The following DTD1 variants were observed in gnomAD, a reference collection of about 807,000 sequenced individuals.
The protein encoded by DTD1 is D-aminoacyl-tRNA deacylase 1, also known as D-tyrosyl-tRNA deacylase 1 homolog.
Under a neutral mutation model 25.6 loss-of-function variants are expected in DTD1, and 13 were observed. The ratio of observed to expected loss-of-function variants is 0.51; its 90% confidence interval spans 0.33 to 0.81. DTD1 has a LOEUF of 0.81. Ranked by LOEUF, DTD1 falls within the 30% of genes least tolerant of loss-of-function variation. The pLI is 0.02. For missense variants in DTD1, 193 were observed against 266.4 expected (o/e 0.72, Z 1.92); for synonymous variants, 110 against 103.6 (o/e 1.06, Z -0.37).
chr20:18,593,660 A>T, intron 1 of DTD1, 71 bp from the exon 2 acceptor site: 1 of 1,065,208 alleles, frequency 9.4e-7, no homozygotes, highest in Admixed American at 1.8e-5. Flanking sequence ...AAATACTCCT[A>T]TGGTTACTTA....
At chr20:18,755,140 C>T (rs1792719373) in intron 5 of DTD1, among the ~76,000 whole-genome samples, 1 of 152,134 alleles carries the variant, frequency 6.6e-6, no homozygotes, top group South Asian at 2.1e-4. Context: ...TCATCTTTCT[C>T]ATATAACATT....
chr20:18,709,472 T>C (rs2061149797), intron 4 of DTD1, among the ~76,000 whole-genome samples: 1 of 152,162 alleles, frequency 6.6e-6, no homozygotes, highest in East Asian at 1.9e-4. Context: ...TTGAAAAATC[T>C]TTACCAACCA....
intron 5 of DTD1, among the ~76,000 whole-genome samples, chr20:18,748,699 C>T (rs1363212090): frequency 3.3e-5 from 5 of 152,208 alleles, no homozygotes; most frequent in African/African-American, 1.2e-4. Context: ...CATTTTTCCC[C>T]AGTGTCTAAG....
chr20:18,607,209 G>T (rs1236652120), intron 3 of DTD1, among the ~76,000 whole-genome samples: 1 of 152,140 alleles, frequency 6.6e-6, no homozygotes, highest in Non-Finnish European at 1.5e-5. Context: ...TGTTGTCCAG[G>T]CTGGAGTGCA....
chr20:18,629,127 G>A (rs1699438866), intron 4 of DTD1, among the ~76,000 whole-genome samples: 1 of 150,574 alleles, frequency 6.6e-6, no homozygotes, highest in Admixed American at 6.7e-5. Context: ...CTCTCGAATA[G>A]CTGGGATTAC....
intron 4 of DTD1, among the ~76,000 whole-genome samples, chr20:18,692,550 C>A (rs1252983860): frequency 1.3e-5 from 2 of 152,198 alleles, no homozygotes; most frequent in Admixed American, 1.3e-4. Flanking sequence ...GGGAAGAAGA[C>A]AAATGCCTGC....
intron 4 of DTD1, among the ~76,000 whole-genome samples, chr20:18,694,186 C>A (rs921545920): frequency 3.3e-5 from 5 of 152,182 alleles, no homozygotes; most frequent in Non-Finnish European, 5.9e-5. Flanking sequence ...ACAGAGACAC[C>A]ATCTGGGTGA....
rs1255453208 is a variant in DTD1, at chr20:18,744,061, G to A, written c.478-39G>A. 3.2e-6 allele frequency: 5 copies of A among 1,541,292 alleles called. No homozygotes were observed. The Admixed American group carries it at 1.0e-4, about 31-fold the overall frequency. ...GTGTGGGATACACAGGCATGTGTTT[G>A]TGTTTGTAAAATATTCTTTTTTATT... On this transcript the variant is annotated intron_variant, in intron 4 of 5. Coordinates refer to ENST00000377452, the MANE Select transcript of DTD1 (RefSeq NM_080820.6).
chr20:18,739,840 T>G (rs985160004), intron 4 of DTD1, among the ~76,000 whole-genome samples: 3 of 152,246 alleles, frequency 2.0e-5, no homozygotes, highest in Admixed American at 6.5e-5. Flanking sequence ...AGGCTTAAAT[T>G]TATTAGGTTA....
intron 3 of DTD1, among the ~76,000 whole-genome samples, chr20:18,599,268 G>T (rs1355934411): frequency 6.6e-6 from 1 of 151,770 alleles, no homozygotes; most frequent in South Asian, 2.1e-4. Flanking sequence ...TCTGACTCAC[G>T]GGTTCAAGCG....
Position 18,708,287 on chromosome 20 carries a change from A to ATATATATAATATATATAT in DTD1, c.478-35805_478-35804insATATATATATTATATATA, listed in dbSNP as rs2061141304. On this transcript the variant is annotated intron_variant, in intron 4 of 5. Transcript: ENST00000377452. ...ATTTTATATATATATAATATATATTATATATATATAATATATATATTTTAT... is the reference window on the plus strand; with the variant it reads ...ATTTTATATATATATAATATATATTATATATATAATATATATATTATATATATAATATATATATTTTAT... Among the ~76,000 whole-genome samples, 31 of 18,520 alleles carry ATATATATAATATATATAT rather than the reference A, an allele frequency of 1.7e-3. 3 individuals are homozygous for ATATATATAATATATATAT. The highest frequency in any genetic ancestry group is 3.7e-3 in the Non-Finnish European group (29 of 7,826). 12.1% of individuals were successfully genotyped at this position (18,520 alleles called of 152,430 possible). A position where few individuals can be genotyped will look rare whatever the true frequency, so the allele number is the denominator to read the frequency against.
At chr20:18,761,206 G>A (rs1191276586) in intron 5 of DTD1, among the ~76,000 whole-genome samples, 3 of 152,076 alleles carry the variant, frequency 2.0e-5, no homozygotes, top group Non-Finnish European at 4.4e-5. Flanking sequence ...GCCTCGCCCT[G>A]CTCGGTGTGC....
Position 18,744,104 on chromosome 20 carries a change from C to G in DTD1, c.482C>G (p.Ser161Ter). 4 of 1,605,050 alleles carry G rather than the reference C, an allele frequency of 2.5e-6. No individual in the cohort carries two copies. Among genetic ancestry groups the G allele is most frequent in the Non-Finnish European group, 3.4e-6 (4 of 1,176,850 alleles). Residue 161 changes from serine (S) to a stop codon, truncating the protein, a stop_gained, in exon 5 of 6, where the codon TCA becomes TGA. Transcript: ENST00000377452. LOFTEE classifies it high-confidence loss of function. ...TTTTTATTTTTATTTAATCAGCTGT[C>G]AAAGCTCGAAAAACAGCAGCAGAGG... Reference protein sequence around the residue: ...GTATSDPKQLSKLEKQQQRKE... With the variant: ...GTATSDPKQL
intron 4 of DTD1, among the ~76,000 whole-genome samples, chr20:18,742,897 G>A (rs1440277081): frequency 6.6e-6 from 1 of 152,194 alleles, no homozygotes; most frequent in African/African-American, 2.4e-5. Context: ...GGAGAAGCCA[G>A]CCCTTCAATA....
chr20:18,593,898 G>A, intron 2 of DTD1, 77 bp downstream of exon 2: 2 of 1,147,926 alleles, frequency 1.7e-6, no homozygotes, highest in South Asian at 2.6e-5. Context: ...ATAGTACTTT[G>A]TGCCTGTGAG....
intron 1 of DTD1, among the ~76,000 whole-genome samples, chr20:18,588,489 C>T (rs949357210): frequency 6.6e-6 from 1 of 152,232 alleles, no homozygotes; most frequent in Admixed American, 6.5e-5. Context: ...AGAGCATTTC[C>T]GGAGCAGGCA....
chr20:18,740,916 G>C (rs901562155), intron 4 of DTD1, among the ~76,000 whole-genome samples: 1 of 152,162 alleles, frequency 6.6e-6, no homozygotes, highest in Non-Finnish European at 1.5e-5. Flanking sequence ...CCTAACCTGT[G>C]GCAGAATAGT....
intron 4 of DTD1, among the ~76,000 whole-genome samples, chr20:18,629,897 T>C (rs1245540345): frequency 6.6e-6 from 1 of 151,942 alleles, no homozygotes; most frequent in African/African-American, 2.4e-5. Context: ...TCATGAGAAC[T>C]CACTGTCACG....
intron 4 of DTD1, among the ~76,000 whole-genome samples, chr20:18,656,289 A>G (rs1600347188): frequency 6.6e-6 from 1 of 152,310 alleles, no homozygotes; most frequent in African/African-American, 2.4e-5. Flanking sequence ...TATTCTCTAA[A>G]TGGAACTGTC....
Sources: allele counts gnomAD v4.1 joint callset (sites outside exome capture counted in the v4.1 genomes callset), GRCh38; gene constraint gnomAD v4.1.1; transcripts MANE v1.5; gene names NCBI Gene and HGNC (gene_info 2026-07-23, HGNC 2026-07-21).